The following GPD1L variants were observed in gnomAD, a reference collection of about 807,000 sequenced individuals.
GPD1L encodes glycerol-3-phosphate dehydrogenase 1-like protein.
Under a neutral mutation model 32.9 loss-of-function variants are expected in GPD1L, and 17 were observed. That is an observed-to-expected ratio of 0.52 (90% CI 0.35 to 0.78). The LOEUF is 0.78. Among genes scored for constraint, GPD1L ranks in the 30% least tolerant of loss-of-function variants. The pLI, the probability that GPD1L is intolerant of heterozygous loss-of-function variation, is 0.01. For synonymous variants in GPD1L, 187 were observed against 165.9 expected, an observed-to-expected ratio of 1.13 and a Z score of -0.98; for missense variants, 361 against 447.8, an observed-to-expected ratio of 0.81 and a Z score of 1.75.
intron 2 of GPD1L, among the ~76,000 whole-genome samples, chr3:32,130,612 T>G (rs1700573742): frequency 6.6e-6 from 1 of 152,156 alleles, no homozygotes; most frequent in African/African-American, 2.4e-5. Context: ...CATTGCCTGC[T>G]CACTAAAAGC....
chr3:32,159,235 G>A (rs1701042708), intron 6 of GPD1L, 126 bp downstream of exon 6: 3 of 743,788 alleles, frequency 4.0e-6, no homozygotes, highest in Admixed American at 4.5e-5. Context: ...CGTTTGCCTG[G>A]CTGCTTTTTC....
chr3:32,129,975 G>C (rs970163889), intron 2 of GPD1L, among the ~76,000 whole-genome samples: 1 of 152,070 alleles, frequency 6.6e-6, no homozygotes, highest in African/African-American at 2.4e-5. Context: ...TTGTGTACCT[G>C]TCTGTCTACC....
chr3:32,147,051 A>G (rs982980108), intron 5 of GPD1L, among the ~76,000 whole-genome samples: 7 of 152,186 alleles, frequency 4.6e-5, no homozygotes, highest in Non-Finnish European at 1.0e-4. Context: ...AAATGATTCT[A>G]TTCATTCATG....
At chr3:32,111,706 C>A (rs1700248840) in intron 1 of GPD1L, among the ~76,000 whole-genome samples, 1 of 151,966 alleles carries the variant, frequency 6.6e-6, no homozygotes, top group Admixed American at 6.6e-5. Context: ...CTATCTCTTG[C>A]CCTTGTTTTC....
At chr3:32,156,945 G>A (rs2125496767) in intron 5 of GPD1L, among the ~76,000 whole-genome samples, 1 of 108,430 alleles carries the variant, frequency 9.2e-6, no homozygotes, top group African/African-American at 4.7e-5. Flanking sequence ...TCTCTGTACA[G>A]TCACAGGTAT....
rs540158306 is a variant in GPD1L, at chr3:32,159,983, C to T, written c.959+309C>T. Among the ~76,000 whole-genome samples, 14 of 152,252 alleles carry T rather than the reference C, an allele frequency of 9.2e-5. 1 individual carries two copies. In the South Asian group the frequency reaches 1.2e-3, roughly 14 times the overall value. ...TGTTTGGTAAAAGCTACATATCATACGTTTTAAAATTTGTAAAAATTACTT... is the reference window on the plus strand; with the variant it reads ...TGTTTGGTAAAAGCTACATATCATATGTTTTAAAATTTGTAAAAATTACTT... On this transcript the variant is annotated intron_variant, in intron 7 of 7. Transcript: ENST00000282541.
At chr3:32,131,503 A>G (rs1337726921) in intron 2 of GPD1L, among the ~76,000 whole-genome samples, 1 of 152,210 alleles carries the variant, frequency 6.6e-6, no homozygotes, top group Non-Finnish European at 1.5e-5. Flanking sequence ...GCGTCTTACA[A>G]TATGCGGTCT....
intron 2 of GPD1L, among the ~76,000 whole-genome samples, chr3:32,137,501 C>CA (rs1700680473): frequency 6.6e-6 from 1 of 152,222 alleles, no homozygotes; most frequent in South Asian, 2.1e-4. Context: ...CTAGAAGTCA[C>CA]AGGCAGCACT....
At chr3:32,161,864 G>A (rs1316556459) in intron 7 of GPD1L, among the ~76,000 whole-genome samples, 2 of 152,170 alleles carry the variant, frequency 1.3e-5, no homozygotes, top group East Asian at 3.9e-4. Flanking sequence ...CTGGGCTGGA[G>A]TGTAGAATCC....
In GPD1L at chr3:32,124,503, G is replaced by T. The variant is rs960987295; in HGVS notation, c.48-3573G>T. 3.9e-5 allele frequency among the ~76,000 whole-genome samples: 6 copies of T among 152,192 alleles called. No individual in the cohort carries two copies. The East Asian group carries it at 9.6e-4, about 24-fold the overall frequency. Reference sequence around the variant, plus strand: ...TGCTCTTTCACATTGGTCAGAAGAGGTAACACTTGGGACAAATGCATCTAG... The same window carrying T: ...TGCTCTTTCACATTGGTCAGAAGAGTTAACACTTGGGACAAATGCATCTAG... On this transcript the variant is annotated intron_variant, in intron 1 of 7. Coordinates refer to ENST00000282541, the MANE Select transcript of GPD1L (RefSeq NM_015141.4).
At chr3:32,157,517 C>T (rs1260029403) in intron 5 of GPD1L, among the ~76,000 whole-genome samples, 1 of 152,188 alleles carries the variant, frequency 6.6e-6, no homozygotes, top group Non-Finnish European at 1.5e-5. Context: ...ATCACTGTGT[C>T]CCTCCAGGGC....
rs1274416059 is a variant in GPD1L at position 32,166,196 on chromosome 3, A to G, written c.*286A>G. 1 of 455,906 alleles carries G rather than the reference A, an allele frequency of 2.2e-6. No individual in the cohort carries two copies. The highest frequency in any genetic ancestry group is 4.0e-6 in the Non-Finnish European group (1 of 248,524). The allele number at this position is 455,906 out of a possible 1,614,324, so 28.2% of individuals were successfully genotyped here. A position where few individuals can be genotyped will look rare whatever the true frequency, so the allele number is the denominator to read the frequency against. On this transcript the variant is annotated 3_prime_UTR_variant, in exon 8 of 8. Coordinates refer to ENST00000282541, the MANE Select transcript of GPD1L (RefSeq NM_015141.4). Reference sequence around the variant, plus strand: ...GTCTTTTTTTCAAAATTGCTTATGAAATTTCCACACAATCGTAGCTTATAA... The same window carrying G: ...GTCTTTTTTTCAAAATTGCTTATGAGATTTCCACACAATCGTAGCTTATAA...
At chr3:32,115,541 T>A (rs1700317401) in intron 1 of GPD1L, among the ~76,000 whole-genome samples, 1 of 152,114 alleles carries the variant, frequency 6.6e-6, no homozygotes. Context: ...TTTCCAGTGC[T>A]GAAGAAAGGA....
chr3:32,145,918 A>G (rs1359225816), intron 4 of GPD1L, among the ~76,000 whole-genome samples: 1 of 152,134 alleles, frequency 6.6e-6, no homozygotes, highest in Admixed American at 6.5e-5. Context: ...GTAGAGTAGT[A>G]TCACGAACCT....
intron 1 of GPD1L, among the ~76,000 whole-genome samples, chr3:32,124,688 G>A (rs531068908): frequency 6.6e-6 from 1 of 152,218 alleles, no homozygotes; most frequent in South Asian, 2.1e-4. Flanking sequence ...CACCTTGGGA[G>A]GCCAAGGTGG....
intron 2 of GPD1L, among the ~76,000 whole-genome samples, chr3:32,133,272 G>A (rs921115267): frequency 6.6e-6 from 1 of 152,120 alleles, no homozygotes; most frequent in Admixed American, 6.5e-5. Flanking sequence ...GACATAACTA[G>A]TGGCCCTAAG....
chr3:32,140,178 C>T (rs1431095579), intron 3 of GPD1L, 50 bp from the exon 4 acceptor site: 1 of 1,607,466 alleles, frequency 6.2e-7, no homozygotes, highest in Non-Finnish European at 8.5e-7. Context: ...TATCCCATGC[C>T]TCTTTGATTT....
rs145612715 is a variant in GPD1L at position 32,131,774 on chromosome 3, A to G, written c.225+3521A>G. On this transcript the variant is annotated intron_variant, in intron 2 of 7. Transcript: ENST00000282541. ...ATATGTTTTCATTTCTTTTGTGTGT[A>G]TACCTAGGAGTAGAGTTAACTTTTT... 3.9e-3 allele frequency among the ~76,000 whole-genome samples: 598 copies of G among 152,302 alleles called. 2 individuals carry two copies. The highest frequency in any genetic ancestry group is 6.5e-3 in the Non-Finnish European group (439 of 68,024).
chr3:32,153,233 G>A (rs886867124), intron 5 of GPD1L, among the ~76,000 whole-genome samples: 3 of 152,120 alleles, frequency 2.0e-5, no homozygotes, highest in Admixed American at 6.5e-5. Context: ...GCCACTGCTC[G>A]CCCAAAAGCA....
Sources: gnomAD v4.1 joint callset for allele counts (sites outside exome capture counted in the v4.1 genomes callset) on GRCh38, gnomAD v4.1.1 for gene constraint, MANE v1.5 for transcripts, NCBI Gene and HGNC (gene_info 2026-07-23, HGNC 2026-07-21) for gene names.